The following PTPRD variants were observed in gnomAD, a reference collection of about 807,000 sequenced individuals.
The protein encoded by PTPRD is protein tyrosine phosphatase receptor type D.
PTPRD carries 34 observed loss-of-function variants against 214.5 expected under a neutral mutation model. The observed-to-expected ratio is 0.16, with a 90% confidence interval of 0.12 to 0.21. The LOEUF is 0.21. PTPRD is among the 10% of genes least tolerant of loss of function. The pLI, the probability that PTPRD is intolerant of heterozygous loss-of-function variation, is 1.00. For missense variants in PTPRD, 2,545 were observed against 2,398.7 expected, an observed-to-expected ratio of 1.06 and a Z score of -1.27; for synonymous variants, 1,128 against 845.7, an observed-to-expected ratio of 1.33 and a Z score of -5.79.
chr9:10,510,848 C>T (rs921737484), intron 2 of PTPRD, among the ~76,000 whole-genome samples: 3 of 152,094 alleles, frequency 2.0e-5, no homozygotes, highest in Non-Finnish European at 4.4e-5. Flanking sequence ...CTTCTTCATC[C>T]TTCCCTCCCC....
chr9:8,747,245 T>A (rs1047831503), intron 11 of PTPRD, among the ~76,000 whole-genome samples: 2 of 152,178 alleles, frequency 1.3e-5, no homozygotes, highest in Admixed American at 1.3e-4. Context: ...AAAATGTGCT[T>A]ACTTCACTAA....
At chr9:9,066,073 T>G (rs954553961) in intron 10 of PTPRD, among the ~76,000 whole-genome samples, 18 of 152,196 alleles carry the variant, frequency 1.2e-4, no homozygotes, top group Admixed American at 6.5e-5. Flanking sequence ...ATTCAGTTTG[T>G]AAATATTTCA....
intron 36 of PTPRD, among the ~76,000 whole-genome samples, chr9:8,392,052 A>C (rs765172121): frequency 1.6e-4 from 24 of 152,098 alleles, no homozygotes; most frequent in African/African-American, 5.8e-4. Context: ...GAAGACTACT[A>C]GGCACCAGGA....
intron 4 of PTPRD, among the ~76,000 whole-genome samples, chr9:9,993,137 G>A (rs575135131): frequency 6.6e-6 from 1 of 152,082 alleles, no homozygotes; most frequent in African/African-American, 2.4e-5. Flanking sequence ...ATAATCACTA[G>A]TATGAGTTGG....
chr9:10,396,042 CT>C (rs780828878), intron 2 of PTPRD, among the ~76,000 whole-genome samples: 2 of 151,526 alleles, frequency 1.3e-5, no homozygotes, highest in Non-Finnish European at 2.9e-5. Flanking sequence ...TTCCTGGTGC[CT>C]TTAGAACGTT....
At chr9:10,035,314 T>C (rs2097160074) in intron 3 of PTPRD, among the ~76,000 whole-genome samples, 1 of 152,128 alleles carries the variant, frequency 6.6e-6, no homozygotes, top group African/African-American at 2.4e-5. Context: ...TTTGTTTATG[T>C]TCCTTATACA....
intron 8 of PTPRD, among the ~76,000 whole-genome samples, chr9:9,511,618 T>A (rs2096711223): frequency 6.6e-6 from 1 of 151,802 alleles, no homozygotes; most frequent in South Asian, 2.1e-4. Flanking sequence ...ACATCATATC[T>A]CTTGCATTGC....
At chr9:9,036,208 T>TG (rs2099621262) in intron 10 of PTPRD, among the ~76,000 whole-genome samples, 1 of 112,060 alleles carries the variant, frequency 8.9e-6, no homozygotes. Flanking sequence ...TTTCAGAAAA[T>TG]TAAAAAAAAA....
chr9:8,490,864 T>A (rs974229560), intron 27 of PTPRD, among the ~76,000 whole-genome samples: 1 of 152,162 alleles, frequency 6.6e-6, no homozygotes, highest in Non-Finnish European at 1.5e-5. Context: ...AAAATAAAAT[T>A]TCACAAGAAT....
chr9:10,385,471 T>TA (rs1295611162), intron 2 of PTPRD, among the ~76,000 whole-genome samples: 1 of 151,744 alleles, frequency 6.6e-6, no homozygotes, highest in African/African-American at 2.4e-5. Flanking sequence ...GAGAGACCAA[T>TA]AAAAAAGAGT....
At chr9:10,070,268 T>C (rs958359377) in intron 3 of PTPRD, among the ~76,000 whole-genome samples, 1 of 152,078 alleles carries the variant, frequency 6.6e-6, no homozygotes, top group Non-Finnish European at 1.5e-5. Context: ...AGCTCTTCCA[T>C]TCCCTCATTA....
At chr9:9,979,839 T>C (rs34269943) in intron 4 of PTPRD, among the ~76,000 whole-genome samples, 25,629 of 152,156 alleles carry the variant, frequency 0.17, 2,626 homozygotes, top group African/African-American at 0.27. Flanking sequence ...CATAGGTCTT[T>C]ATATAGATGA....
At chr9:10,501,073 T>A (rs1223070159) in intron 2 of PTPRD, among the ~76,000 whole-genome samples, 1 of 151,972 alleles carries the variant, frequency 6.6e-6, no homozygotes, top group East Asian at 1.9e-4. Flanking sequence ...GGTTGCTGTA[T>A]CTTATGGTAG....
At chr9:9,244,191 C>T (rs1366063493) in intron 9 of PTPRD, among the ~76,000 whole-genome samples, 4 of 152,038 alleles carry the variant, frequency 2.6e-5, no homozygotes, top group East Asian at 1.9e-4. Context: ...GAATCAATAT[C>T]GTGAAAATGG....
chr9:10,478,147 G>GAA (rs34422100), intron 2 of PTPRD, among the ~76,000 whole-genome samples: 60 of 146,502 alleles, frequency 4.1e-4, no homozygotes, highest in Admixed American at 3.6e-3. Flanking sequence ...AAGTAAAATG[G>GAA]AAAAAAAAAA....
At chr9:9,275,833 A>G (rs201009729) in intron 9 of PTPRD, among the ~76,000 whole-genome samples, 1,723 of 143,278 alleles carry the variant, frequency 0.012, 43 homozygotes, top group African/African-American at 0.041. Flanking sequence ...GTGTGTGTGT[A>G]TGTGTGTGTG....
At chr9:10,585,065 C>A (rs2073452082) in intron 2 of PTPRD, among the ~76,000 whole-genome samples, 1 of 152,048 alleles carries the variant, frequency 6.6e-6, no homozygotes, top group South Asian at 2.1e-4. Flanking sequence ...GATTTTGACT[C>A]CCCTTAAATA....
chr9:8,563,759 T>C lies in PTPRD; in HGVS notation c.353-34980A>G, dbSNP rs1170214992. On this transcript the variant is annotated intron_variant, in intron 14 of 45. Transcript: ENST00000381196. The stretch of plus-strand genomic sequence containing the variant: ...TCATTGCAACCTCCACCCTCCAGGT[T>C]CAAGTGATTCTTGTGCCTCAGCCTC... Among the ~76,000 whole-genome samples, 4 of 152,278 alleles carry C rather than the reference T, an allele frequency of 2.6e-5. No individual in the cohort carries two copies. In the East Asian group the frequency reaches 7.7e-4, roughly 29 times the overall value.
intron 11 of PTPRD, among the ~76,000 whole-genome samples, chr9:8,850,365 G>C (rs1476451232): frequency 1.3e-5 from 2 of 152,146 alleles, no homozygotes; most frequent in African/African-American, 4.8e-5. Context: ...AAATAAAAGA[G>C]TTTAGAATGG....
Sources: gnomAD v4.1 joint callset for allele counts (sites outside exome capture counted in the v4.1 genomes callset) on GRCh38, gnomAD v4.1.1 for gene constraint, MANE v1.5 for transcripts, NCBI Gene and HGNC (gene_info 2026-07-23, HGNC 2026-07-21) for gene names.